ZNF566: variants seen among roughly 807,000 people sequenced by gnomAD.
The protein encoded by ZNF566 is zinc finger protein 566.
ZNF566 carries 27 observed loss-of-function variants against 32.8 expected under a neutral mutation model. That is an observed-to-expected ratio of 0.82 (90% CI 0.61 to 1.14). The LOEUF is 1.14. Ranked by LOEUF, ZNF566 falls within the 50% of genes most tolerant of loss-of-function variation. The pLI is 0.00. For synonymous variants in ZNF566, 154 were observed against 159.5 expected (o/e 0.97, Z 0.26); for missense variants, 402 against 490.4 (o/e 0.82, Z 1.70).
intron 1 of ZNF566, among the ~76,000 whole-genome samples, chr19:36,484,117 G>A (rs375506665): frequency 2.6e-5 from 4 of 152,292 alleles, no homozygotes; most frequent in Non-Finnish European, 5.9e-5. Context: ...CAGGTGATCC[G>A]CCTGCCTCGG....
At position 36,449,855 on chromosome 19, in the gene ZNF566, G is replaced by C; in HGVS notation, c.379C>G (p.Gln127Glu). 6.2e-7 allele frequency: 1 copy of C among 1,614,118 alleles called. No individual in the cohort carries two copies. The highest frequency in any genetic ancestry group is 8.5e-7 in the Non-Finnish European group (1 of 1,180,022). ...TGAGAGCCGAGTTCTTTCTTAAACT[G>C]CCGATTACATTCCCAATCATCTCTG... Reference protein sequence around the residue: ...SFRDDWECNRQFKKELGSQGG... With the variant: ...SFRDDWECNREFKKELGSQGG... The change falls in exon 5 of 5, where the codon CAG becomes GAG. Residue 127 changes from glutamine (Q) to glutamate (E), a missense_variant. Transcript: ENST00000452939.
intron 1 of ZNF566, among the ~76,000 whole-genome samples, chr19:36,482,681 T>G (rs746219550): frequency 6.6e-6 from 1 of 152,174 alleles, no homozygotes; most frequent in Non-Finnish European, 1.5e-5. Flanking sequence ...CTGAACTAAT[T>G]TGCATGTATT....
At chr19:36,485,276 A>C (rs999187988) in intron 1 of ZNF566, among the ~76,000 whole-genome samples, 15 of 150,124 alleles carry the variant, frequency 1.0e-4, no homozygotes, top group Admixed American at 8.6e-4. Flanking sequence ...CTCTACAAAA[A>C]AAAAAAAAAA....
At chr19:36,484,848 C>G (rs2145711511) in intron 1 of ZNF566, among the ~76,000 whole-genome samples, 1 of 152,128 alleles carries the variant, frequency 6.6e-6, no homozygotes, top group East Asian at 1.9e-4. Flanking sequence ...CTCGGCCTCC[C>G]AAAGTGTTGG....
chr19:36,485,032 A>AAT (rs199856244), intron 1 of ZNF566, among the ~76,000 whole-genome samples: 70 of 152,202 alleles, frequency 4.6e-4, no homozygotes, highest in African/African-American at 1.6e-3. Flanking sequence ...GAGATATACT[A>AAT]ATATATATAT....
intron 1 of ZNF566, among the ~76,000 whole-genome samples, chr19:36,481,615 G>C (rs943882789): frequency 1.8e-4 from 27 of 152,072 alleles, no homozygotes; most frequent in African/African-American, 6.5e-4. Context: ...ACAGCAAGTA[G>C]GAATAAAAAC....
chr19:36,489,258 C>T (rs2034249766), intron 1 of ZNF566, among the ~76,000 whole-genome samples: 1 of 152,218 alleles, frequency 6.6e-6, no homozygotes. Context: ...GTCCTGCTCC[C>T]TCTCACACAC....
chr19:36,489,438 T>G (rs2034255617), intron 1 of ZNF566, 48 bp downstream of exon 1: 1 of 304,794 alleles, frequency 3.3e-6, no homozygotes, highest in Non-Finnish European at 6.4e-6. Context: ...AAGCCGAGGC[T>G]TGGCCCCCGG....
intron 1 of ZNF566, among the ~76,000 whole-genome samples, chr19:36,477,562 G>T (rs1404652482): frequency 1.0e-5 from 1 of 98,710 alleles, no homozygotes; most frequent in Non-Finnish European, 2.2e-5. Context: ...TTTTTGAGAC[G>T]GAGTCTTGCT....
intron 4 of ZNF566, among the ~76,000 whole-genome samples, chr19:36,467,066 CAAA>C (rs1225047396): frequency 6.9e-5 from 7 of 101,076 alleles, no homozygotes; most frequent in African/African-American, 3.8e-5. Context: ...GAGACTCCGT[CAAA>C]AAAAAAAAAA....
chr19:36,476,651 C>A, intron 1 of ZNF566, 35 bp from the exon 2 acceptor site: 1 of 1,551,526 alleles, frequency 6.4e-7, no homozygotes, highest in South Asian at 1.2e-5. Context: ...TAAGACCCCA[C>A]TTTCCTCACA....
At chr19:36,474,371 G>C (rs1310694875) in intron 2 of ZNF566, among the ~76,000 whole-genome samples, 2 of 152,188 alleles carry the variant, frequency 1.3e-5, no homozygotes, top group African/African-American at 2.4e-5. Context: ...GGCAAATGAG[G>C]GGGGAAGCAA....
At position 36,449,148 on chromosome 19, in the gene ZNF566, A is replaced by G. The variant is rs2145629131; in HGVS notation, c.1086T>C (p.Thr362=). The part of the protein sequence containing the change: ...SDLTRHQRIH[T]GEKPYECKIC... Reference sequence around the variant, plus strand: ...TCTTACATTCATAGGGTTTCTCCCCAGTATGAATTCTCTGATGTCTAGTAA... The same window carrying G: ...TCTTACATTCATAGGGTTTCTCCCCGGTATGAATTCTCTGATGTCTAGTAA... Residue 362 remains threonine (T), a synonymous_variant, in exon 5 of 5, where the codon ACT becomes ACC. Coordinates refer to ENST00000452939, the MANE Select transcript of ZNF566 (RefSeq NM_001145344.1). 2 of 1,614,120 alleles carry G rather than the reference A, an allele frequency of 1.2e-6. No homozygotes were observed. Among genetic ancestry groups the G allele is most frequent in the East Asian group, 4.5e-5 (2 of 44,878 alleles).
chr19:36,482,884 C>A (rs2034070867), intron 1 of ZNF566, among the ~76,000 whole-genome samples: 1 of 152,150 alleles, frequency 6.6e-6, no homozygotes, highest in South Asian at 2.1e-4. Flanking sequence ...CAGTGAACAG[C>A]CTTGGAAGAC....
chr19:36,484,336 T>C (rs2034103828), intron 1 of ZNF566, among the ~76,000 whole-genome samples: 2 of 152,174 alleles, frequency 1.3e-5, no homozygotes. Context: ...TTACAGTTCG[T>C]CCATAAGGAC....
chr19:36,467,155 G>C (rs2033634335), intron 4 of ZNF566, among the ~76,000 whole-genome samples: 1 of 151,384 alleles, frequency 6.6e-6, no homozygotes, highest in Admixed American at 6.6e-5. Flanking sequence ...AAGAATTTCA[G>C]CTGGGCATGG....
chr19:36,453,942 G>A (rs1475624748), intron 4 of ZNF566, among the ~76,000 whole-genome samples: 2 of 152,226 alleles, frequency 1.3e-5, no homozygotes, highest in East Asian at 3.9e-4. Flanking sequence ...TCCTGCCTCA[G>A]CCTCCCAAGT....
In ZNF566 at chr19:36,449,356, C is replaced by T; in HGVS notation, c.878G>A (p.Ser293Asn). The part of the protein sequence containing the change: ...YECKECGKAF[S>N]SGSNFTQHQR... The stretch of plus-strand genomic sequence containing the variant: ...ATGTTGAGTAAAGTTTGAGCCACTA[C>T]TAAAGGCCTTCCCGCATTCTTTGCA... The change falls in exon 5 of 5, where the codon AGT (serine) becomes AAT (asparagine). Residue 293 changes from serine (S) to asparagine (N), a missense_variant. Ser to Asn is a conservative substitution (Grantham distance 46, BLOSUM62 1). Transcript: ENST00000452939. The T allele has an allele frequency of 6.2e-7, 1 of 1,614,160 alleles. No individual in the cohort carries two copies. The highest frequency in any genetic ancestry group is 8.5e-7 in the Non-Finnish European group (1 of 1,180,022).
intron 1 of ZNF566, 46 bp from the exon 2 acceptor site, chr19:36,476,662 G>A (rs914002955): frequency 1.3e-6 from 2 of 1,495,214 alleles, no homozygotes; most frequent in African/African-American, 1.4e-5. Context: ...TTTCCTCACA[G>A]CTCCTGGCCC....
Sources: gnomAD v4.1 joint callset for allele counts (sites outside exome capture counted in the v4.1 genomes callset) on GRCh38, gnomAD v4.1.1 for gene constraint, MANE v1.5 for transcripts, NCBI Gene and HGNC (gene_info 2026-07-23, HGNC 2026-07-21) for gene names.